The following NLGN1 variants were observed in gnomAD, a reference collection of about 807,000 sequenced individuals.
NLGN1 encodes neuroligin 1.
In NLGN1, 12 loss-of-function variants were observed where a neutral mutation model predicts 65.5. The observed-to-expected ratio is 0.18, with a 90% CI of 0.12 to 0.30. The LOEUF (loss-of-function observed/expected upper bound fraction) is 0.30, where lower values mean the gene tolerates loss of function less well. Among genes scored for constraint, NLGN1 ranks in the 10% least tolerant of loss-of-function variants. The pLI, the probability that NLGN1 is intolerant of heterozygous loss-of-function variation, is 1.00. For synonymous variants in NLGN1, 350 were observed against 359.5 expected, an observed-to-expected ratio of 0.97 and a Z score of 0.30; for missense variants, 750 against 1,007.1, an observed-to-expected ratio of 0.74 and a Z score of 3.46.
chr3:173,408,586 A>G (rs1711782131), intron 1 of NLGN1, among the ~76,000 whole-genome samples: 1 of 152,170 alleles, frequency 6.6e-6, no homozygotes, highest in Admixed American at 6.5e-5. Context: ...TTTCTATAGA[A>G]CTGCGTAAAC....
At chr3:173,854,516 T>G (rs1364668799) in intron 4 of NLGN1, among the ~76,000 whole-genome samples, 3 of 152,142 alleles carry the variant, frequency 2.0e-5, no homozygotes, top group Admixed American at 1.3e-4. Context: ...GAGGAATGAC[T>G]AACTTCTCTT....
intron 3 of NLGN1, among the ~76,000 whole-genome samples, chr3:173,669,749 G>A (rs1321742544): frequency 6.6e-6 from 1 of 152,088 alleles, no homozygotes; most frequent in East Asian, 1.9e-4. Flanking sequence ...GTGCTTCCTA[G>A]TATTTTTGTT....
chr3:174,098,225 G>A (rs938939056), intron 4 of NLGN1, among the ~76,000 whole-genome samples: 5 of 151,998 alleles, frequency 3.3e-5, no homozygotes, highest in East Asian at 1.9e-4. Flanking sequence ...TTTGCCTCCC[G>A]AACATTTTTC....
chr3:173,997,596 C>T (rs183488786), intron 4 of NLGN1, among the ~76,000 whole-genome samples: 23 of 152,030 alleles, frequency 1.5e-4, no homozygotes, highest in Admixed American at 1.1e-3. Context: ...ACTGTGTTCC[C>T]GGCAATATTC....
At chr3:173,444,755 T>C (rs1719868198) in intron 2 of NLGN1, among the ~76,000 whole-genome samples, 1 of 152,060 alleles carries the variant, frequency 6.6e-6, no homozygotes, top group African/African-American at 2.4e-5. Context: ...TATATACATA[T>C]GTGTGTGTAT....
At chr3:173,637,731 G>C (rs1214766563) in intron 3 of NLGN1, among the ~76,000 whole-genome samples, 1 of 152,158 alleles carries the variant, frequency 6.6e-6, no homozygotes, top group Non-Finnish European at 1.5e-5. Context: ...TGGGTGAAAA[G>C]ACCAATGGGA....
At chr3:173,469,628 CT>C (rs34464335) in intron 2 of NLGN1, among the ~76,000 whole-genome samples, 1 of 149,230 alleles carries the variant, frequency 6.7e-6, no homozygotes, top group African/African-American at 2.5e-5. Flanking sequence ...GGCATATGCA[CT>C]TTTAAAAACT....
At chr3:174,076,648 G>A (rs1466177066) in intron 4 of NLGN1, among the ~76,000 whole-genome samples, 1 of 151,138 alleles carries the variant, frequency 6.6e-6, no homozygotes, top group Non-Finnish European at 1.5e-5. Context: ...CTGCTAGAGA[G>A]TGCTAATAGT....
At chr3:173,668,836 C>G (rs563587665) in intron 3 of NLGN1, among the ~76,000 whole-genome samples, 130 of 152,076 alleles carry the variant, frequency 8.5e-4, no homozygotes, top group Middle Eastern at 3.4e-3. Context: ...GTTGGTCAGG[C>G]TGGTCTTGAA....
At chr3:173,702,558 G>T (rs2901924) in intron 3 of NLGN1, among the ~76,000 whole-genome samples, 29,306 of 152,116 alleles carry the variant, frequency 0.19, 2,993 homozygotes, top group Admixed American at 0.23. Context: ...ATAAGATGAT[G>T]ATCAAAAAGA....
At chr3:173,613,335 C>T (rs1752590574) in intron 3 of NLGN1, among the ~76,000 whole-genome samples, 1 of 152,066 alleles carries the variant, frequency 6.6e-6, no homozygotes, top group Admixed American at 6.6e-5. Context: ...AATCAAAACT[C>T]AATGTGATAG....
chr3:173,523,765 T>G (rs1298440286), intron 2 of NLGN1, among the ~76,000 whole-genome samples: 1 of 151,682 alleles, frequency 6.6e-6, no homozygotes, highest in South Asian at 2.1e-4. Flanking sequence ...TATGAAATTT[T>G]TGATTGCTTT....
intron 3 of NLGN1, among the ~76,000 whole-genome samples, chr3:173,648,485 A>T (rs2149625824): frequency 6.6e-6 from 1 of 152,354 alleles, no homozygotes; most frequent in Non-Finnish European, 1.5e-5. Context: ...GGAGGGTGTG[A>T]GGAATTCCAA....
rs527452941 is a variant in NLGN1 at position 174,271,873 on chromosome 3, G to GAGTT, written c.647-3439_647-3436dup. ...GCATAATTGCAATTATGAATTTTGA[G>GAGTT]AGTTAGCCTTAACTCTAAAATTACT... On this transcript the variant is annotated intron_variant, in intron 4 of 6. Transcript: ENST00000457714. 2.3e-3 allele frequency among the ~76,000 whole-genome samples: 352 copies of GAGTT among 151,778 alleles called. 1 individual carries two copies. The highest frequency in any genetic ancestry group is 7.8e-3 in the African/African-American group (323 of 41,474).
intron 4 of NLGN1, among the ~76,000 whole-genome samples, chr3:174,029,986 G>A (rs559589355): frequency 5.0e-4 from 76 of 152,210 alleles, no homozygotes; most frequent in African/African-American, 1.7e-3. Context: ...TATTAGCAGT[G>A]GGAGAACAGA....
chr3:173,721,626 T>C (rs1698014714), intron 3 of NLGN1, among the ~76,000 whole-genome samples: 1 of 152,208 alleles, frequency 6.6e-6, no homozygotes, highest in Non-Finnish European at 1.5e-5. Context: ...ATTGGGTTTT[T>C]CAAAGACAAA....
chr3:173,787,000 C>T (rs1782078077), intron 3 of NLGN1, among the ~76,000 whole-genome samples: 1 of 151,954 alleles, frequency 6.6e-6, no homozygotes, highest in African/African-American at 2.4e-5. Context: ...TCACTTGAAC[C>T]CGTGGGGCGG....
rs1399158602 is a variant in NLGN1 at position 173,656,013 on chromosome 3, G to T, written c.493+50922G>T. Reference sequence around the variant, plus strand: ...CAAGAGCCCTGTTAAAGAATTTTTTGGGGGTTTAAATATCCTCAAGAGGTT... The same window carrying T: ...CAAGAGCCCTGTTAAAGAATTTTTTTGGGGTTTAAATATCCTCAAGAGGTT... On this transcript the variant is annotated intron_variant, in intron 3 of 6. Coordinates refer to ENST00000457714, the Ensembl canonical transcript of NLGN1. Among the ~76,000 whole-genome samples, 7 of 152,232 alleles carry T rather than the reference G, an allele frequency of 4.6e-5. No homozygotes were observed. The South Asian group carries it at 1.2e-3, about 27-fold the overall frequency.
At chr3:173,776,185 A>G (rs1780271716) in intron 3 of NLGN1, among the ~76,000 whole-genome samples, 1 of 152,014 alleles carries the variant, frequency 6.6e-6, no homozygotes, top group African/African-American at 2.4e-5. Context: ...ACTTTCTCCA[A>G]ATATCGGGGT....
Sources: allele counts gnomAD v4.1 joint callset (sites outside exome capture counted in the v4.1 genomes callset), GRCh38; gene constraint gnomAD v4.1.1; transcripts MANE v1.5; gene names NCBI Gene and HGNC (gene_info 2026-07-23, HGNC 2026-07-21).